The following GBF1 variants were observed in gnomAD, a reference collection of about 807,000 sequenced individuals.
GBF1 encodes the protein golgi brefeldin A resistant guanine nucleotide exchange factor 1.
A neutral mutation model predicts 210.5 loss-of-function variants in GBF1; 114 were observed. That is an observed-to-expected ratio of 0.54 (90% CI 0.47 to 0.63). The LOEUF (loss-of-function observed/expected upper bound fraction) is 0.63, where lower values mean the gene tolerates loss of function less well. Ranked by LOEUF, GBF1 falls within the 30% of genes least tolerant of loss-of-function variation. The pLI, the probability that GBF1 is intolerant of heterozygous loss-of-function variation, is 0.00. For synonymous variants in GBF1, 850 were observed against 889.2 expected, an observed-to-expected ratio of 0.96 and a Z score of 0.78; for missense variants, 1,851 against 2,357.7, an observed-to-expected ratio of 0.79 and a Z score of 4.45.
At chr10:102,264,901 C>T (rs1020904185) in intron 3 of GBF1, among the ~76,000 whole-genome samples, 1 of 152,226 alleles carries the variant, frequency 6.6e-6, no homozygotes, top group African/African-American at 2.4e-5. Flanking sequence ...CTCTCTCTTA[C>T]ATCTGCCCAA....
the GBF1 span, chr10:102,232,010 G>C: frequency 6.2e-7 from 1 of 1,610,018 alleles, no homozygotes. Flanking sequence ...CTGGGGGTGC[G>C]GAGTGCCAGC....
upstream of GBF1, among the ~76,000 whole-genome samples, chr10:102,240,371 G>A (rs1336974949): frequency 6.6e-6 from 1 of 152,238 alleles, no homozygotes; most frequent in African/African-American, 2.4e-5. Context: ...AAGGGGGCAT[G>A]TGTCCCAGCC....
At position 102,366,638 on chromosome 10, in the gene GBF1, G is replaced by C. The variant is rs1165980277; in HGVS notation, c.2433+132G>C. ...GTCTCGCTCTGTCACCCAGGCTGGAGTGCAGTAGCGCAGTCTCAGCACACT... is the reference window on the plus strand; with the variant it reads ...GTCTCGCTCTGTCACCCAGGCTGGACTGCAGTAGCGCAGTCTCAGCACACT... On this transcript the variant is annotated intron_variant, in intron 19 of 39. Transcript: ENST00000369983. The surrounding 1 kb of genome is among the most constrained non-coding windows in gnomAD (Gnocchi z 4.0). 1 of 803,772 alleles carries C rather than the reference G, an allele frequency of 1.2e-6. No homozygotes were observed. The highest frequency in any genetic ancestry group is 2.8e-5 in the East Asian group (1 of 35,914). 49.8% of individuals were successfully genotyped at this position (803,772 alleles called of 1,614,324 possible). A position where few individuals can be genotyped will look rare whatever the true frequency, so the allele number is the denominator to read the frequency against.
intron 8 of GBF1, among the ~76,000 whole-genome samples, chr10:102,354,652 C>A (rs1187009874): frequency 6.6e-6 from 1 of 152,206 alleles, no homozygotes; most frequent in Non-Finnish European, 1.5e-5. Flanking sequence ...CCTGGGGCAT[C>A]TGGTTGCCTG....
At chr10:102,377,497 G>A (rs2060578247) in intron 33 of GBF1, among the ~76,000 whole-genome samples, 1 of 152,050 alleles carries the variant, frequency 6.6e-6, no homozygotes, top group Non-Finnish European at 1.5e-5. Context: ...AGGACTACAG[G>A]CGCGTGCCAC....
chr10:102,314,565 T>A (rs772027), intron 3 of GBF1, among the ~76,000 whole-genome samples: 52,024 of 152,050 alleles, frequency 0.34, 9,274 homozygotes, highest in South Asian at 0.48. Context: ...TTAAATTCTT[T>A]ATCAGTAGAC....
At chr10:102,349,074 C>T (rs1234501680) in intron 4 of GBF1, among the ~76,000 whole-genome samples, 3 of 151,738 alleles carry the variant, frequency 2.0e-5, no homozygotes, top group Non-Finnish European at 4.4e-5. Flanking sequence ...ACTTGAGCCC[C>T]AGAGGTCGAG....
intron 3 of GBF1, among the ~76,000 whole-genome samples, chr10:102,293,813 T>C (rs953391094): frequency 7.7e-6 from 1 of 129,310 alleles, no homozygotes; most frequent in Non-Finnish European, 1.6e-5. Context: ...AGTCTCACTC[T>C]GTCGCCCAGG....
chr10:102,288,564 A>G (rs943087444), intron 3 of GBF1, among the ~76,000 whole-genome samples: 1 of 149,880 alleles, frequency 6.7e-6, no homozygotes, highest in Non-Finnish European at 1.5e-5. Flanking sequence ...ACAAAAAATT[A>G]GCCGGGCGCG....
At chr10:102,262,742 G>C (rs2073394834) in intron 3 of GBF1, among the ~76,000 whole-genome samples, 1 of 152,190 alleles carries the variant, frequency 6.6e-6, no homozygotes. Context: ...CATACCTGTG[G>C]TGAATGATGC....
the GBF1 span, among the ~76,000 whole-genome samples, chr10:102,235,979 G>A: frequency 2.0e-5 from 3 of 152,210 alleles, no homozygotes; most frequent in African/African-American, 7.2e-5. Context: ...TCTTGCATGG[G>A]CTAGTAACAG....
chr10:102,314,686 A>C (rs1005287938), intron 3 of GBF1, among the ~76,000 whole-genome samples: 2 of 152,190 alleles, frequency 1.3e-5, no homozygotes, highest in African/African-American at 4.8e-5. Context: ...CTGCCATATA[A>C]CAGTTCTCTT....
chr10:102,359,576 A>G, intron 11 of GBF1, 141 bp downstream of exon 11: 2 of 643,630 alleles, frequency 3.1e-6, no homozygotes. Flanking sequence ...CAGGAAATGG[A>G]GTCAAGCCAT....
At chr10:102,299,679 G>T (rs1022492472) in intron 3 of GBF1, among the ~76,000 whole-genome samples, 2 of 152,172 alleles carry the variant, frequency 1.3e-5, no homozygotes, top group African/African-American at 4.8e-5. Flanking sequence ...CTACTTGGGA[G>T]GCTGAGGCAG....
chr10:102,288,507 C>T (rs375243753), intron 3 of GBF1, among the ~76,000 whole-genome samples: 396 of 150,330 alleles, frequency 2.6e-3, no homozygotes, highest in African/African-American at 7.6e-3. Flanking sequence ...GTCAGGAGAT[C>T]GAGACCATCC....
At chr10:102,233,119 A>C in the GBF1 span, among the ~76,000 whole-genome samples, 4 of 151,292 alleles carry the variant, frequency 2.6e-5, no homozygotes, top group Non-Finnish European at 5.9e-5. Flanking sequence ...TTATTATTTT[A>C]TTTTTCTGAT....
At chr10:102,300,855 T>C (rs1366507763) in intron 3 of GBF1, among the ~76,000 whole-genome samples, 2 of 152,232 alleles carry the variant, frequency 1.3e-5, no homozygotes, top group East Asian at 3.8e-4. Context: ...GAGGAGACAA[T>C]GCCAAATTGA....
intron 3 of GBF1, among the ~76,000 whole-genome samples, chr10:102,290,906 A>T (rs2076378600): frequency 6.6e-6 from 1 of 152,148 alleles, no homozygotes. Flanking sequence ...CTTCTCTTTA[A>T]TTTTGCTAAT....
intron 3 of GBF1, among the ~76,000 whole-genome samples, chr10:102,296,598 C>G (rs891161821): frequency 6.6e-6 from 1 of 152,068 alleles, no homozygotes; most frequent in African/African-American, 2.4e-5. Context: ...CAAAATTAGC[C>G]GGGCTTAGTG....
Sources: allele counts gnomAD v4.1 joint callset (sites outside exome capture counted in the v4.1 genomes callset), GRCh38; gene constraint gnomAD v4.1.1; non-coding constraint Gnocchi (gnomAD v3.1); transcripts MANE v1.5; gene names NCBI Gene and HGNC (gene_info 2026-07-23, HGNC 2026-07-21).